INSR: variants seen among roughly 807,000 people sequenced by gnomAD.
INSR encodes insulin receptor, also known as IR.
In INSR, 67 loss-of-function variants were observed where a neutral mutation model predicts 142.6. The observed-to-expected ratio is 0.47, with a 90% CI of 0.39 to 0.58. The LOEUF is 0.58. Among genes scored for constraint, INSR ranks in the 20% least tolerant of loss-of-function variants. INSR has a pLI of 0.00. For synonymous variants in INSR, 756 were observed against 743.1 expected, an observed-to-expected ratio of 1.02 and a Z score of -0.28; for missense variants, 1,248 against 1,833.2, an observed-to-expected ratio of 0.68 and a Z score of 5.83.
At chr19:7,233,668 C>CTTTTTTTTTTTTTTTTTTTTTTT (rs35763064) in intron 2 of INSR, among the ~76,000 whole-genome samples, 1 of 72,408 alleles carries the variant, frequency 1.4e-5, no homozygotes, top group Non-Finnish European at 2.4e-5. Context: ...CTTTTTCTGT[C>CTTTTTTTTTTTTTTTTTTTTTTT]TTTTTTTTTT....
intron 2 of INSR, among the ~76,000 whole-genome samples, chr19:7,253,331 C>T (rs906915811): frequency 6.6e-6 from 1 of 151,980 alleles, no homozygotes; most frequent in Non-Finnish European, 1.5e-5. Flanking sequence ...CTCCACCTCC[C>T]GGGTTCAAGC....
intron 12 of INSR, among the ~76,000 whole-genome samples, 194 bp from the exon 13 acceptor site, chr19:7,142,010 C>A (rs554257691): frequency 3.7e-4 from 54 of 145,976 alleles, no homozygotes; most frequent in Admixed American, 1.9e-3. Context: ...CTGCGTATAA[C>A]TTTTTTTTTT....
intron 2 of INSR, among the ~76,000 whole-genome samples, chr19:7,237,066 CA>C (rs1285356096): frequency 6.6e-6 from 1 of 150,990 alleles, no homozygotes; most frequent in Non-Finnish European, 1.5e-5. Context: ...TTTGGGGACT[CA>C]GGGGGAAAGG....
At chr19:7,176,226 G>A (rs946562333) in intron 3 of INSR, among the ~76,000 whole-genome samples, 4 of 152,154 alleles carry the variant, frequency 2.6e-5, no homozygotes, top group Non-Finnish European at 5.9e-5. Flanking sequence ...CATGGTGGGC[G>A]GAGTTCTCAT....
chr19:7,152,994 C>T, intron 9 of INSR, 67 bp from the exon 10 acceptor site: 1 of 806,460 alleles, frequency 1.2e-6, no homozygotes, highest in East Asian at 3.0e-5. Flanking sequence ...CACACACACA[C>T]ACCCCACACA....
rs765116028 is a variant in INSR at position 7,168,024 on chromosome 19, C to T, written c.1554G>A (p.Pro518=). 8 of 1,613,782 alleles carry T rather than the reference C, an allele frequency of 5.0e-6. No homozygotes were observed. Among genetic ancestry groups the T allele is most frequent in the Admixed American group, 3.3e-5 (2 of 59,974 alleles). The stretch of plus-strand genomic sequence containing the variant: ...GGTCTCGGAAGTCGGGGGGCCAGTA[C>T]GGCTCCCATCTCAGCAAGATCTTGT... ...SFDKILLRWE[P]YWPPDFRDLL... is the part of the protein sequence containing the mutation. The change falls in exon 7 of 22, where the codon CCG becomes CCA. Residue 518 remains proline (P), a synonymous_variant. Transcript: ENST00000302850. This position sits in a 1 kb window ranked among gnomAD's most constrained non-coding sequence, Gnocchi z 4.3.
Position 7,174,673 on chromosome 19 carries a change from C to T in INSR, c.1033G>A (p.Glu345Lys), listed in dbSNP as rs1188187072. The T allele has an allele frequency of 1.9e-6, 3 of 1,613,922 alleles. No individual in the cohort carries two copies. The South Asian group carries it at 3.3e-5, about 18-fold the overall frequency. Residue 345 changes from glutamate to lysine, a missense_variant, in exon 4 of 22, where the codon GAG (glutamate) becomes AAG (lysine). By Grantham distance (56) the Glu-to-Lys change is moderately conservative. Coordinates refer to ENST00000302850, the MANE Select transcript of INSR (RefSeq NM_000208.4). ...GACGTCACCGAGTCGATGGTCTTCT[C>T]GCCTTCTAGGAGGTGGCACACCTTG... The part of the protein sequence containing the change: ...CPKVCHLLEG[E>K]KTIDSVTSAQ...
intron 1 of INSR, among the ~76,000 whole-genome samples, chr19:7,287,229 G>A (rs934984655): frequency 2.7e-5 from 4 of 145,870 alleles, no homozygotes; most frequent in South Asian, 2.2e-4. Context: ...GCGCAATCTC[G>A]GCTCACTGCA....
intron 17 of INSR, 113 bp from the exon 18 acceptor site, chr19:7,123,102 G>T: frequency 1.3e-6 from 1 of 779,830 alleles, no homozygotes; most frequent in Non-Finnish European, 2.2e-6. Context: ...CCTGGATGCA[G>T]CGTGCTCAGC....
At position 7,113,378 on chromosome 19, in the gene INSR, C is replaced by T. The variant is rs1972250061; in HGVS notation, c.*3678G>A. On this transcript the variant is annotated 3_prime_UTR_variant, in exon 22 of 22. Coordinates refer to ENST00000302850, the MANE Select transcript of INSR (RefSeq NM_000208.4). ...GTTCCCACAGCTTCTCTCAATCATC[C>T]TCAGCCTATATCCAGACAAGCAGCA... 6.6e-6 allele frequency: 1 copy of T among 152,208 alleles called. No homozygotes were observed. Among genetic ancestry groups the T allele is most frequent in the South Asian group, 2.1e-4 (1 of 4,826 alleles). The allele number at this position is 152,208 out of a possible 1,614,324, so 9.4% of individuals were successfully genotyped here.
At chr19:7,268,248 T>C (rs1967802547) in intron 1 of INSR, among the ~76,000 whole-genome samples, 2 of 151,952 alleles carry the variant, frequency 1.3e-5, no homozygotes, top group Admixed American at 6.6e-5. Context: ...TGCGTCAACA[T>C]AGAAGATCTT....
At chr19:7,136,848 T>TATATATATATATATATATA (rs71177159) in intron 13 of INSR, among the ~76,000 whole-genome samples, 30 of 143,134 alleles carry the variant, frequency 2.1e-4, no homozygotes, top group African/African-American at 6.8e-4. Context: ...TATATATATA[T>TATATATATATATATATATA]TGAGATGGTG....
intron 2 of INSR, among the ~76,000 whole-genome samples, chr19:7,212,476 T>A (rs1206961560): frequency 6.6e-6 from 1 of 152,196 alleles, no homozygotes; most frequent in East Asian, 1.9e-4. Flanking sequence ...GGGTCTGCCA[T>A]GTTTTGGAGG....
chr19:7,243,371 G>A (rs542925964), intron 2 of INSR, among the ~76,000 whole-genome samples: 24 of 146,040 alleles, frequency 1.6e-4, no homozygotes, highest in African/African-American at 5.8e-4. Context: ...TCAGCTTCCC[G>A]AGTAGCTGGG....
At chr19:7,188,777 G>A (rs1013317842) in intron 2 of INSR, among the ~76,000 whole-genome samples, 11 of 150,464 alleles carry the variant, frequency 7.3e-5, no homozygotes, top group South Asian at 2.1e-4. Context: ...GGGAGGCTGA[G>A]GCAGTAGAAT....
chr19:7,128,071 C>T (rs1478933158), intron 15 of INSR, among the ~76,000 whole-genome samples: 1 of 151,796 alleles, frequency 6.6e-6, no homozygotes, highest in African/African-American at 2.4e-5. Flanking sequence ...GTAGATTAAA[C>T]TTAAAAGCGT....
Position 7,116,700 on chromosome 19 carries a change from C to CAAAAAAA in INSR, c.*349_*355dup, listed in dbSNP as rs71177157. On this transcript the variant is annotated 3_prime_UTR_variant, in exon 22 of 22. Coordinates refer to ENST00000302850, the MANE Select transcript of INSR (RefSeq NM_000208.4). Reference sequence around the variant, plus strand: ...TTTTATACTGAAGCTCAGACACCAGCAAAAAAAAAAAAAAAAAAAAAGAAT... The same window carrying CAAAAAAA: ...TTTTATACTGAAGCTCAGACACCAGCAAAAAAAAAAAAAAAAAAAAAAAAAAAAGAAT... 0.036 allele frequency: 1,805 copies of CAAAAAAA among 50,444 alleles called. 265 individuals are homozygous for CAAAAAAA. The highest frequency in any genetic ancestry group is 0.092 in the African/African-American group (1,305 of 14,192). The allele number at this position is 50,444 out of a possible 1,614,324, so 3.1% of individuals were successfully genotyped here. A position where few individuals can be genotyped will look rare whatever the true frequency, so the allele number is the denominator to read the frequency against.
At chr19:7,139,767 G>A (rs1245371477) in intron 13 of INSR, among the ~76,000 whole-genome samples, 1 of 148,088 alleles carries the variant, frequency 6.8e-6, no homozygotes, top group East Asian at 2.0e-4. Flanking sequence ...ATTTTTGAAA[G>A]TTTACTTTTT....
chr19:7,163,575 A>C (rs968374974), intron 8 of INSR, among the ~76,000 whole-genome samples: 1 of 150,046 alleles, frequency 6.7e-6, no homozygotes, highest in African/African-American at 2.4e-5. Flanking sequence ...AAAACAAAAC[A>C]AAAAAGAAAA....
Sources: allele counts gnomAD v4.1 joint callset (sites outside exome capture counted in the v4.1 genomes callset), GRCh38; gene constraint gnomAD v4.1.1; non-coding constraint Gnocchi (gnomAD v3.1); transcripts MANE v1.5; gene names NCBI Gene and HGNC (gene_info 2026-07-23, HGNC 2026-07-21).